Variants in KCNIP4 observed in about 807,000 individuals in gnomAD.
KCNIP4 encodes Kv channel-interacting protein 4.
In KCNIP4, 12 loss-of-function variants were observed where a neutral mutation model predicts 34.0. That is an observed-to-expected ratio of 0.35 (90% CI 0.23 to 0.57). KCNIP4 has a LOEUF of 0.57. Among genes scored for constraint, KCNIP4 ranks in the 20% least tolerant of loss-of-function variants. KCNIP4 has a pLI of 0.83. For synonymous variants in KCNIP4, 124 were observed against 102.2 expected (o/e 1.21, Z -1.29); for missense variants, 238 against 311.7 (o/e 0.76, Z 1.78).
At chr4:21,335,127 G>C (rs923339908) in intron 1 of KCNIP4, among the ~76,000 whole-genome samples, 7 of 151,894 alleles carry the variant, frequency 4.6e-5, no homozygotes, top group African/African-American at 1.7e-4. Context: ...AGTAACTACT[G>C]AGTAGTCAGC....
chr4:21,533,762 A>G (rs187633839), intron 1 of KCNIP4, among the ~76,000 whole-genome samples: 5 of 152,274 alleles, frequency 3.3e-5, no homozygotes, highest in African/African-American at 1.2e-4. Context: ...TTGAGGCTAG[A>G]CGATGTAAAA....
rs149699071 is a variant in KCNIP4, at chr4:21,263,966, T to C, written c.62-381257A>G. On this transcript the variant is annotated intron_variant, in intron 1 of 8. Coordinates refer to ENST00000382152, the MANE Select transcript of KCNIP4 (RefSeq NM_025221.6). The stretch of plus-strand genomic sequence containing the variant: ...CACCATGCCCAGCCCAATATATATA[T>C]ACGTGTGTGTGTGTGTGTGTGTGTG... Among the ~76,000 whole-genome samples, 807 of 151,832 alleles carry C rather than the reference T, an allele frequency of 5.3e-3. 2 individuals carry two copies. The highest frequency in any genetic ancestry group is 0.026 in the South Asian group (123 of 4,800).
At chr4:21,887,606 A>G (rs1453650066) in intron 1 of KCNIP4, among the ~76,000 whole-genome samples, 1 of 152,280 alleles carries the variant, frequency 6.6e-6, no homozygotes, top group African/African-American at 2.4e-5. Context: ...TGTTTCAGAC[A>G]CAGAAACTTA....
At chr4:21,217,098 G>T (rs897605425) in intron 1 of KCNIP4, among the ~76,000 whole-genome samples, 1 of 152,122 alleles carries the variant, frequency 6.6e-6, no homozygotes. Flanking sequence ...AGATGTTATT[G>T]TATCTCATTC....
At chr4:21,259,300 G>T (rs1165623871) in intron 1 of KCNIP4, among the ~76,000 whole-genome samples, 2 of 152,172 alleles carry the variant, frequency 1.3e-5, no homozygotes, top group Non-Finnish European at 2.9e-5. Flanking sequence ...GAGAAGACTG[G>T]CCTAGTTCAT....
chr4:21,140,388 A>G (rs1461564396), intron 1 of KCNIP4, among the ~76,000 whole-genome samples: 6 of 152,160 alleles, frequency 3.9e-5, no homozygotes, highest in African/African-American at 1.2e-4. Context: ...AAGTGCTTAC[A>G]ATCTTATCAA....
intron 1 of KCNIP4, among the ~76,000 whole-genome samples, chr4:21,116,412 T>A (rs1386303295): frequency 6.6e-6 from 1 of 152,208 alleles, no homozygotes; most frequent in Non-Finnish European, 1.5e-5. Context: ...GAGACTCATC[T>A]TTTGCAGGCA....
intron 1 of KCNIP4, among the ~76,000 whole-genome samples, chr4:21,807,642 C>T (rs1432145720): frequency 1.3e-5 from 2 of 152,168 alleles, no homozygotes; most frequent in Non-Finnish European, 2.9e-5. Context: ...GAACATTCCA[C>T]AATGTGTCAT....
chr4:21,008,223 G>T (rs28428506), intron 1 of KCNIP4, among the ~76,000 whole-genome samples: 2,417 of 152,252 alleles, frequency 0.016, 70 homozygotes, highest in African/African-American at 0.055. Context: ...ATCCACCGGA[G>T]AACTGCATTC....
At chr4:21,481,005 A>G (rs984138460) in intron 1 of KCNIP4, among the ~76,000 whole-genome samples, 1 of 152,226 alleles carries the variant, frequency 6.6e-6, no homozygotes, top group Non-Finnish European at 1.5e-5. Flanking sequence ...GGAGACCAGT[A>G]CTGCCAGATA....
chr4:21,133,992 C>A (rs938275568), intron 1 of KCNIP4, among the ~76,000 whole-genome samples: 1 of 152,120 alleles, frequency 6.6e-6, no homozygotes, highest in African/African-American at 2.4e-5. Context: ...CTTCTTTCCC[C>A]AGTTGCTTGG....
At chr4:21,475,000 C>CAAAAAAAAAAAAAAAAAAAAAAAAAAAA (rs10681441) in intron 1 of KCNIP4, among the ~76,000 whole-genome samples, 1 of 105,684 alleles carries the variant, frequency 9.5e-6, no homozygotes. Context: ...GACTCCATCT[C>CAAAAAAAAAAAAAAAAAAAAAAAAAAAA]GAAAAACAAA....
At position 21,445,202 on chromosome 4, in the gene KCNIP4, A is replaced by T. The variant is rs1727868910; in HGVS notation, c.61+503369T>A. On this transcript the variant is annotated intron_variant, in intron 1 of 8. Transcript: ENST00000382152. ...ATCTTGAAAATGGCCATACTGCCCA[A>T]GGTAATTTATAGATTCAATGCCATC... 2.0e-5 allele frequency among the ~76,000 whole-genome samples: 3 copies of T among 152,214 alleles called. No individual in the cohort carries two copies. In the South Asian group the frequency reaches 6.2e-4, roughly 32 times the overall value.
intron 1 of KCNIP4, among the ~76,000 whole-genome samples, chr4:21,919,927 C>A (rs537117149): frequency 1.3e-5 from 2 of 151,986 alleles, no homozygotes; most frequent in East Asian, 3.9e-4. Flanking sequence ...GATGTCATAG[C>A]GGAGATTTAT....
chr4:21,679,694 G>A (rs773428620), intron 1 of KCNIP4, among the ~76,000 whole-genome samples: 3 of 152,122 alleles, frequency 2.0e-5, no homozygotes, highest in Non-Finnish European at 2.9e-5. Context: ...AGATATTGCA[G>A]GTTCCATTAT....
intron 1 of KCNIP4, among the ~76,000 whole-genome samples, chr4:21,066,532 A>C (rs2108986035): frequency 6.7e-6 from 1 of 149,652 alleles, no homozygotes; most frequent in African/African-American, 2.5e-5. Context: ...CATCCCCCTC[A>C]TCCCCTGGCA....
chr4:21,496,558 C>T (rs1176741715), intron 1 of KCNIP4, among the ~76,000 whole-genome samples: 1 of 152,212 alleles, frequency 6.6e-6, no homozygotes, highest in Non-Finnish European at 1.5e-5. Context: ...CTCCCTGCCT[C>T]CAAGCTCAAT....
chr4:20,923,772 T>C (rs1729635513), intron 1 of KCNIP4, among the ~76,000 whole-genome samples: 1 of 152,144 alleles, frequency 6.6e-6, no homozygotes, highest in South Asian at 2.1e-4. Flanking sequence ...TTTCTCATGC[T>C]CAAAAATGGC....
At chr4:20,843,593 G>T (rs1170493761) in intron 3 of KCNIP4, among the ~76,000 whole-genome samples, 1 of 152,144 alleles carries the variant, frequency 6.6e-6, no homozygotes, top group African/African-American at 2.4e-5. Context: ...AGCTGGGTGT[G>T]GTAGTGCACG....
Sources: allele counts gnomAD v4.1 joint callset (sites outside exome capture counted in the v4.1 genomes callset), GRCh38; gene constraint gnomAD v4.1.1; transcripts MANE v1.5; gene names NCBI Gene and HGNC (gene_info 2026-07-23, HGNC 2026-07-21).